Variants in PDE10A observed in about 807,000 individuals in gnomAD.
PDE10A encodes the protein cAMP and cAMP-inhibited cGMP 3',5'-cyclic phosphodiesterase 10A.
PDE10A carries 39 observed loss-of-function variants against 97.7 expected under a neutral mutation model. That is an observed-to-expected ratio of 0.40 (90% CI 0.31 to 0.52). The LOEUF (loss-of-function observed/expected upper bound fraction) is 0.52, where lower values mean the gene tolerates loss of function less well. Ranked by LOEUF, PDE10A falls within the 20% of genes least tolerant of loss-of-function variation. The probability of loss-of-function intolerance (pLI) is 0.56; values close to 1 mark genes in which losing one functional copy is unlikely to be tolerated. For synonymous variants in PDE10A, 371 were observed against 376.8 expected (o/e 0.98, Z 0.18); for missense variants, 731 against 1,047.8 (o/e 0.70, Z 4.17).
intron 1 of PDE10A, among the ~76,000 whole-genome samples, chr6:165,597,731 A>C (rs1026115660): frequency 6.6e-6 from 1 of 152,214 alleles, no homozygotes; most frequent in African/African-American, 2.4e-5. Flanking sequence ...TGTGCACAAG[A>C]TCTCAGCAAC....
At chr6:165,727,958 TG>T (rs779076814) in intron 1 of PDE10A, among the ~76,000 whole-genome samples, 10 of 152,004 alleles carry the variant, frequency 6.6e-5, no homozygotes, top group Non-Finnish European at 1.3e-4. Context: ...TGTTGTGTTT[TG>T]TTTTTTTATT....
intron 19 of PDE10A, among the ~76,000 whole-genome samples, chr6:165,342,128 AATG>A (rs1782009192): frequency 6.6e-6 from 1 of 152,204 alleles, no homozygotes; most frequent in Non-Finnish European, 1.5e-5. Flanking sequence ...TATGGTAGTA[AATG>A]ATAAAATCGA....
At chr6:165,748,733 G>A (rs903431421) in intron 1 of PDE10A, among the ~76,000 whole-genome samples, 35 of 152,138 alleles carry the variant, frequency 2.3e-4, no homozygotes, top group African/African-American at 8.0e-4. Context: ...AAAATCAGGT[G>A]AACAGAAATG....
chr6:165,810,533 G>C (rs1455045537), intron 1 of PDE10A, among the ~76,000 whole-genome samples: 1 of 152,068 alleles, frequency 6.6e-6, no homozygotes, highest in Non-Finnish European at 1.5e-5. Context: ...TCCTAACATA[G>C]ACCTACGCCA....
At chr6:165,670,168 C>T (rs1018331978) in intron 1 of PDE10A, among the ~76,000 whole-genome samples, 1 of 152,214 alleles carries the variant, frequency 6.6e-6, no homozygotes, top group Non-Finnish European at 1.5e-5. Context: ...ATAATGTGCA[C>T]ATTCCATGTC....
At chr6:165,803,746 C>A (rs1779043223) in intron 1 of PDE10A, among the ~76,000 whole-genome samples, 1 of 152,242 alleles carries the variant, frequency 6.6e-6, no homozygotes, top group Non-Finnish European at 1.5e-5. Context: ...TGCCATGTTT[C>A]ATTCACAAGA....
At chr6:165,641,362 CAAT>C (rs1319454582) in intron 1 of PDE10A, among the ~76,000 whole-genome samples, 9 of 152,130 alleles carry the variant, frequency 5.9e-5, no homozygotes, top group Admixed American at 3.9e-4. Flanking sequence ...TACTATAAAA[CAAT>C]AATAACTGAT....
intron 18 of PDE10A, among the ~76,000 whole-genome samples, chr6:165,371,257 C>A (rs1313792388): frequency 6.6e-6 from 1 of 151,630 alleles, no homozygotes; most frequent in South Asian, 2.1e-4. Context: ...AATAGAGACA[C>A]AAAAAACATT....
In PDE10A at chr6:165,819,148, C is replaced by T. The variant is rs375179244; in HGVS notation, c.-615+168381G>A. 3.3e-5 allele frequency among the ~76,000 whole-genome samples: 5 copies of T among 152,280 alleles called. 1 individual carries two copies. The highest frequency in any genetic ancestry group is 1.2e-4 in the African/African-American group (5 of 41,544). On this transcript the variant is annotated intron_variant, in intron 1 of 19. Transcript: ENST00000366882. The surrounding 1 kb of genome is among the most constrained non-coding windows in gnomAD (Gnocchi z 4.2). ...GTATTTCCAAAACCAGTTTTCAAAA[C>T]CGAGTTCATCTCTGCACCTGCTCCC...
chr6:165,683,401 CACAT>C (rs2128439910), intron 1 of PDE10A, among the ~76,000 whole-genome samples: 1 of 152,236 alleles, frequency 6.6e-6, no homozygotes, highest in South Asian at 2.1e-4. Context: ...TGTGTGCAGA[CACAT>C]ACACAGATGC....
chr6:165,946,156 A>G (rs1440043258), intron 1 of PDE10A, among the ~76,000 whole-genome samples: 1 of 152,262 alleles, frequency 6.6e-6, no homozygotes, highest in African/African-American at 2.4e-5. Context: ...GACAGAAGGA[A>G]TAAGCTAAAG....
intron 1 of PDE10A, among the ~76,000 whole-genome samples, chr6:165,571,106 CATT>C (rs1785028865): frequency 6.6e-6 from 1 of 152,192 alleles, no homozygotes. Context: ...TGGATAAAAC[CATT>C]ATCTTACTGA....
intron 1 of PDE10A, among the ~76,000 whole-genome samples, chr6:165,564,176 G>T (rs1784661892): frequency 6.6e-6 from 1 of 152,038 alleles, no homozygotes; most frequent in African/African-American, 2.4e-5. Context: ...TTATTAACTG[G>T]TGGATTTCCA....
chr6:165,896,102 A>G (rs930282849), intron 1 of PDE10A, among the ~76,000 whole-genome samples: 4 of 152,204 alleles, frequency 2.6e-5, no homozygotes, highest in African/African-American at 4.8e-5. Context: ...CAGGACGGGA[A>G]GGAACTGGGC....
At chr6:165,460,926 T>C (rs755835240) in intron 3 of PDE10A, among the ~76,000 whole-genome samples, 2 of 152,074 alleles carry the variant, frequency 1.3e-5, no homozygotes, top group Non-Finnish European at 2.9e-5. Flanking sequence ...TGCCAAAAAT[T>C]AGGAAATAAT....
chr6:165,888,752 A>G (rs567616445), intron 1 of PDE10A, among the ~76,000 whole-genome samples: 27 of 152,380 alleles, frequency 1.8e-4, no homozygotes, highest in Admixed American at 1.6e-3. Context: ...ATTGAAAAGC[A>G]TGGTGAGAGT....
chr6:165,576,118 A>T (rs2128349696), intron 1 of PDE10A, among the ~76,000 whole-genome samples: 1 of 152,332 alleles, frequency 6.6e-6, no homozygotes, highest in East Asian at 1.9e-4. Context: ...ATAAAGGGAA[A>T]AATCACCCAA....
At chr6:165,434,214 A>T (rs1028273995) in intron 6 of PDE10A, among the ~76,000 whole-genome samples, 1 of 150,070 alleles carries the variant, frequency 6.7e-6, no homozygotes, top group African/African-American at 2.5e-5. Context: ...AACATTTTCA[A>T]ATGAGAACTT....
chr6:165,722,168 G>A (rs55682912), intron 1 of PDE10A, among the ~76,000 whole-genome samples: 7,335 of 152,240 alleles, frequency 0.048, 286 homozygotes, highest in African/African-American at 0.11. Context: ...TAAACTTCAC[G>A]GAAATCTATG....
Sources: gnomAD v4.1 joint callset for allele counts (sites outside exome capture counted in the v4.1 genomes callset) on GRCh38, gnomAD v4.1.1 for gene constraint, Gnocchi (gnomAD v3.1) non-coding constraint, MANE v1.5 for transcripts, NCBI Gene and HGNC (gene_info 2026-07-23, HGNC 2026-07-21) for gene names.